Variants in PECAM1 observed in about 807,000 individuals in gnomAD.
The protein encoded by PECAM1 is platelet and endothelial cell adhesion molecule 1.
In PECAM1, 8 loss-of-function variants were observed where a neutral mutation model predicts 13.8. That is an observed-to-expected ratio of 0.58 (90% confidence interval 0.34 to 1.05). The LOEUF is 1.05. Ranked by LOEUF, PECAM1 falls within the 50% of genes least tolerant of loss-of-function variation. PECAM1 has a pLI of 0.03. For missense variants in PECAM1, 304 were observed against 141.2 expected (o/e 2.15, Z -5.84); for synonymous variants, 136 against 52.6 (o/e 2.58, Z -6.86).
intron 15 of PECAM1, among the ~76,000 whole-genome samples, chr17:64,329,365 C>T (rs1555646225): frequency 6.6e-6 from 1 of 152,086 alleles, no homozygotes; most frequent in Non-Finnish European, 1.5e-5. Context: ...CTGTCAGCTG[C>T]TCCACTCCTC....
intron 12 of PECAM1, among the ~76,000 whole-genome samples, chr17:64,349,543 G>T (rs988082058): frequency 7.5e-6 from 1 of 133,838 alleles, no homozygotes; most frequent in Non-Finnish European, 1.6e-5. Context: ...AGCCAAGATT[G>T]TGCCACCGTA....
rs782802066 is a variant in PECAM1, at chr17:64,321,465, T to C, written c.*2351A>G. On this transcript the variant is annotated 3_prime_UTR_variant, in exon 16 of 16. Transcript: ENST00000563924. ...AAGGGAAAGTAATTTTAAACTCATG[T>C]GTGCTCCACAGGCCGGGGGCGGTGG... The C allele has an allele frequency of 7.1e-6, 7 of 989,140 alleles. No individual in the cohort carries two copies. The highest frequency in any genetic ancestry group is 8.4e-6 in the Non-Finnish European group (7 of 831,798). 61.3% of individuals were successfully genotyped at this position (989,140 alleles called of 1,614,324 possible).
chr17:64,376,592 A>T (rs2036364797), intron 3 of PECAM1, among the ~76,000 whole-genome samples: 1 of 152,202 alleles, frequency 6.6e-6, no homozygotes, highest in Admixed American at 6.5e-5. Flanking sequence ...AGATATAAGA[A>T]TAAACCAAAC....
In PECAM1 at chr17:64,321,403, C is replaced by G; in HGVS notation, c.*2413G>C. Reference sequence around the variant, plus strand: ...GCCATTAAATCCACTAAGAAAGATCCCTGCGCATGAAGTTTCCTCCTCGGA... The same window carrying G: ...GCCATTAAATCCACTAAGAAAGATCGCTGCGCATGAAGTTTCCTCCTCGGA... On this transcript the variant is annotated 3_prime_UTR_variant, in exon 16 of 16. Coordinates refer to ENST00000563924, the MANE Select transcript of PECAM1 (RefSeq NM_000442.5). 1.0e-6 allele frequency: 1 copy of G among 983,778 alleles called. No individual in the cohort carries two copies. The allele number at this position is 983,778 out of a possible 1,614,324, so 60.9% of individuals were successfully genotyped here. A position where few individuals can be genotyped will look rare whatever the true frequency, so the allele number is the denominator to read the frequency against.
intron 6 of PECAM1, among the ~76,000 whole-genome samples, chr17:64,362,655 A>T (rs1029204539): frequency 8.6e-5 from 13 of 150,686 alleles, no homozygotes; most frequent in South Asian, 2.1e-4. Flanking sequence ...GCATCTCAAA[A>T]AAATAAATAA....
Position 64,369,875 on chromosome 17 carries a change from T to A in PECAM1, c.842A>T (p.His281Leu), listed in dbSNP as rs1392854300. 1.8e-5 allele frequency: 7 copies of A among 398,560 alleles called. No individual in the cohort carries two copies. The highest frequency in any genetic ancestry group is 2.7e-5 in the Non-Finnish European group (6 of 226,114). 24.7% of individuals were successfully genotyped at this position (398,560 alleles called of 1,614,324 possible). A position where few individuals can be genotyped will look rare whatever the true frequency, so the allele number is the denominator to read the frequency against. Residue 281 changes from histidine (H) to leucine (L), a missense_variant, in exon 5 of 16, where the codon CAC becomes CTC. Coordinates refer to ENST00000563924, the MANE Select transcript of PECAM1 (RefSeq NM_000442.5). Reference sequence around the variant, plus strand: ...CACAGCCTTGTTGCCATGTCTGTTGTGGGCCACAATCGCCTTGTCCTTCTG... The same window carrying A: ...CACAGCCTTGTTGCCATGTCTGTTGAGGGCCACAATCGCCTTGTCCTTCTG... ...IIQKDKAIVA[H>L]NRHGNKAVYS...
chr17:64,325,960 C>T (rs1447513945), intron 15 of PECAM1, among the ~76,000 whole-genome samples: 1 of 152,176 alleles, frequency 6.6e-6, no homozygotes, highest in African/African-American at 2.4e-5. Flanking sequence ...TGATAAACAA[C>T]ACCACTATGA....
chr17:64,329,312 C>T (rs144679535), intron 15 of PECAM1, among the ~76,000 whole-genome samples: 8 of 152,156 alleles, frequency 5.3e-5, no homozygotes, highest in Middle Eastern at 3.4e-3. Flanking sequence ...AGCTGATGGC[C>T]TGGTGTGTAG....
chr17:64,337,743 G>T (rs922249430), intron 14 of PECAM1, among the ~76,000 whole-genome samples: 1 of 152,068 alleles, frequency 6.6e-6, no homozygotes, highest in Non-Finnish European at 1.5e-5. Flanking sequence ...TGGAGACCCC[G>T]AGAGAACCCA....
intron 2 of PECAM1, among the ~76,000 whole-genome samples, chr17:64,387,152 G>A (rs1275782273): frequency 5.9e-5 from 9 of 152,260 alleles, no homozygotes; most frequent in African/African-American, 2.2e-4. Flanking sequence ...GTCAAGGAGC[G>A]AGGCTTTGGG....
At position 64,322,843 on chromosome 17, in the gene PECAM1, G is replaced by C. The variant is rs2034839880; in HGVS notation, c.*973C>G. The C allele has an allele frequency of 2.8e-6, 1 of 359,296 alleles. No homozygotes were observed. 22.3% of individuals were successfully genotyped at this position (359,296 alleles called of 1,614,324 possible). On this transcript the variant is annotated 3_prime_UTR_variant, in exon 16 of 16. Transcript: ENST00000563924. ...CGATAATCTCACCTCAGCCTCTTGA[G>C]TAGCTGATACTACAGGCATGCGCCA...
At chr17:64,338,937 T>C (rs1455378599) in intron 14 of PECAM1, among the ~76,000 whole-genome samples, 3 of 152,200 alleles carry the variant, frequency 2.0e-5, no homozygotes, top group Non-Finnish European at 4.4e-5. Context: ...GTGATTTGCG[T>C]TATGTATGTT....
chr17:64,321,250 A>G lies in PECAM1; in HGVS notation c.*2566T>C, dbSNP rs2034806000. The G allele has an allele frequency of 6.2e-6, 1 of 161,016 alleles. No individual in the cohort carries two copies. The highest frequency in any genetic ancestry group is 2.0e-4 in the South Asian group (1 of 5,016). 10.0% of individuals were successfully genotyped at this position (161,016 alleles called of 1,614,324 possible). A position where few individuals can be genotyped will look rare whatever the true frequency, so the allele number is the denominator to read the frequency against. ...GAGAACACAAGAGGGCGCTCTAACT[A>G]ATGAGTTCCGCGGCCGAGAAAACTC... On this transcript the variant is annotated 3_prime_UTR_variant, in exon 16 of 16. Coordinates refer to ENST00000563924, the MANE Select transcript of PECAM1 (RefSeq NM_000442.5).
chr17:64,325,749 A>C (rs1177601939), intron 15 of PECAM1, among the ~76,000 whole-genome samples: 1 of 149,732 alleles, frequency 6.7e-6, no homozygotes, highest in African/African-American at 2.6e-5. Flanking sequence ...AAAACACACA[A>C]ACAAACAAAA....
rs1291117085 is a variant in PECAM1, at chr17:64,322,254, C to G, written c.*1562G>C. Reference sequence around the variant, plus strand: ...TACAAAAATTAGCCAGGCGTGGTGACATGTGCCTGTAATCCCAGCTACTCG... The same window carrying G: ...TACAAAAATTAGCCAGGCGTGGTGAGATGTGCCTGTAATCCCAGCTACTCG... On this transcript the variant is annotated 3_prime_UTR_variant, in exon 16 of 16. Coordinates refer to ENST00000563924, the MANE Select transcript of PECAM1 (RefSeq NM_000442.5). 2.6e-6 allele frequency: 1 copy of G among 379,208 alleles called. No homozygotes were observed. The highest frequency in any genetic ancestry group is 3.6e-6 in the Non-Finnish European group (1 of 274,484). The allele number at this position is 379,208 out of a possible 1,614,324, so 23.5% of individuals were successfully genotyped here.
In PECAM1 at chr17:64,322,707, C is replaced by G. The variant is rs2034835055; in HGVS notation, c.*1109G>C. ...AGACCTCAGGAGACCACTTCTTTAG[C>G]AAGCAATTTTGTTTTTTGTTTTTTT... is the stretch of plus-strand genomic sequence containing the variant. On this transcript the variant is annotated 3_prime_UTR_variant, in exon 16 of 16. Transcript: ENST00000563924. 2.1e-6 allele frequency: 2 copies of G among 968,814 alleles called. No homozygotes were observed. Among genetic ancestry groups the G allele is most frequent in the Non-Finnish European group, 2.4e-6 (2 of 823,570 alleles). 60.0% of individuals were successfully genotyped at this position (968,814 alleles called of 1,614,324 possible). A position where few individuals can be genotyped will look rare whatever the true frequency, so the allele number is the denominator to read the frequency against.
At chr17:64,323,928 C>T (rs782742160) in intron 15 of PECAM1, 83 bp from the exon 16 acceptor site, 4 of 787,730 alleles carry the variant, frequency 5.1e-6, no homozygotes, top group Non-Finnish European at 7.0e-6. Flanking sequence ...TGCAAAATGA[C>T]AGCACTTCTC....
At chr17:64,354,873 C>T (rs1229828179) in intron 9 of PECAM1, 60 bp downstream of exon 9, 1 of 472,744 alleles carries the variant, frequency 2.1e-6, no homozygotes, top group Non-Finnish European at 3.9e-6. Context: ...CACCACGCAT[C>T]CCTGGCTGGT....
rs1045732144 is a variant in PECAM1, at chr17:64,359,265, C to A, written c.1492+875G>T. The stretch of plus-strand genomic sequence containing the variant: ...TTATTAAACTTTTTACAACAGGATG[C>A]AAAATATCTAAGACATGCAAGCAAT... On this transcript the variant is annotated intron_variant, in intron 7 of 15. Transcript: ENST00000563924. Among the ~76,000 whole-genome samples, 24 of 152,110 alleles carry A rather than the reference C, an allele frequency of 1.6e-4. 1 individual carries two copies. Among genetic ancestry groups the A allele is most frequent in the African/African-American group, 5.6e-4 (23 of 41,422 alleles).
Sources: gnomAD v4.1 joint callset for allele counts (sites outside exome capture counted in the v4.1 genomes callset) on GRCh38, gnomAD v4.1.1 for gene constraint, MANE v1.5 for transcripts, NCBI Gene and HGNC (gene_info 2026-07-23, HGNC 2026-07-21) for gene names.